The following FOXP1 variants were observed in gnomAD, a reference collection of about 807,000 sequenced individuals.
The protein encoded by FOXP1 is forkhead box protein P1.
FOXP1 carries 15 observed loss-of-function variants against 98.2 expected under a neutral mutation model. The ratio of observed to expected loss-of-function variants is 0.15; its 90% CI spans 0.10 to 0.24. The LOEUF is 0.24. Ranked by LOEUF, FOXP1 falls within the 10% of genes least tolerant of loss-of-function variation. The pLI, the probability that FOXP1 is intolerant of heterozygous loss-of-function variation, is 1.00. For missense variants in FOXP1, 633 were observed against 848.5 expected, an observed-to-expected ratio of 0.75 and a Z score of 3.15; for synonymous variants, 371 against 314.5, an observed-to-expected ratio of 1.18 and a Z score of -1.90.
chr3:71,315,486 GC>G (rs2075023906), intron 4 of FOXP1, among the ~76,000 whole-genome samples: 1 of 152,088 alleles, frequency 6.6e-6, no homozygotes, highest in Admixed American at 6.5e-5. Context: ...CTTTTTTTCT[GC>G]CTCAGTTGCG....
intron 5 of FOXP1, among the ~76,000 whole-genome samples, chr3:71,224,346 G>A (rs73108283): frequency 2.1e-4 from 32 of 152,302 alleles, no homozygotes; most frequent in Admixed American, 3.9e-4. Context: ...AGATGTGATC[G>A]TAGATGGAGT....
In FOXP1 at chr3:71,440,405, C is replaced by T. The variant is rs551418853; in HGVS notation, c.-168+53021G>A. ...ACAAAGTGAGACACCGTGCCGGGCG[C>T]GGTGGCTCACGCCTGTAATCCTAGC... is the stretch of plus-strand genomic sequence containing the variant. On this transcript the variant is annotated intron_variant, in intron 3 of 20. Transcript: ENST00000649528. 2.3e-4 allele frequency among the ~76,000 whole-genome samples: 32 copies of T among 141,656 alleles called. No individual in the cohort carries two copies. The South Asian group carries it at 7.6e-3, about 34-fold the overall frequency. The allele number at this position is 141,656 out of a possible 152,430, so 92.9% of individuals were successfully genotyped here.
At chr3:71,109,848 C>T (rs1227204464) in intron 7 of FOXP1, among the ~76,000 whole-genome samples, 5 of 152,132 alleles carry the variant, frequency 3.3e-5, no homozygotes, top group African/African-American at 9.7e-5. Context: ...CTGTGATACA[C>T]ACACACACAC....
intron 2 of FOXP1, among the ~76,000 whole-genome samples, chr3:71,536,177 T>C (rs2044274909): frequency 6.6e-6 from 1 of 152,216 alleles, no homozygotes; most frequent in African/African-American, 2.4e-5. Context: ...ATGGGTTCCA[T>C]GATCCCACTC....
rs558577065 is a variant in FOXP1 at position 71,498,360 on chromosome 3, G to A, written c.-297-4805C>T. Among the ~76,000 whole-genome samples the A allele has an allele frequency of 6.6e-5, 10 of 152,264 alleles. No homozygotes were observed. The South Asian group carries it at 8.3e-4, about 13-fold the overall frequency. ...AGAGCAGCTGTGGTTCCCTGAGGCCGGGACCTAGCAATCAAGTTGTTTACC... is the reference window on the plus strand; with the variant it reads ...AGAGCAGCTGTGGTTCCCTGAGGCCAGGACCTAGCAATCAAGTTGTTTACC... On this transcript the variant is annotated intron_variant, in intron 2 of 20. Coordinates refer to ENST00000649528, the MANE Select transcript of FOXP1 (RefSeq NM_001349338.3).
At chr3:71,080,983 A>G (rs571850208) in intron 7 of FOXP1, among the ~76,000 whole-genome samples, 10 of 152,334 alleles carry the variant, frequency 6.6e-5, no homozygotes, top group South Asian at 6.2e-4. Flanking sequence ...ACTTTGGCCC[A>G]TTCTACCAGC....
At chr3:71,297,197 A>C (rs17008473) in intron 5 of FOXP1, among the ~76,000 whole-genome samples, 36,398 of 152,050 alleles carry the variant, frequency 0.24, 4,682 homozygotes, top group Non-Finnish European at 0.27. Context: ...CAAGGGGGGC[A>C]TTATTTGCAC....
intron 5 of FOXP1, among the ~76,000 whole-genome samples, chr3:71,238,957 A>C (rs2067026551): frequency 6.6e-6 from 1 of 152,228 alleles, no homozygotes; most frequent in Non-Finnish European, 1.5e-5. Context: ...AGTCTTCAGG[A>C]ATAAGCAAGT....
Position 71,493,032 on chromosome 3 carries a change from G to A in FOXP1, c.-168+394C>T, listed in dbSNP as rs150670509. Among the ~76,000 whole-genome samples, 57 of 151,816 alleles carry A rather than the reference G, an allele frequency of 3.8e-4. 1 individual carries two copies. The highest frequency in any genetic ancestry group is 1.4e-3 in the African/African-American group (56 of 41,392). ...AAAGTTTGGGATAGGACTCTCTCAA[G>A]GAACAAATTAGACTCAAATTTCCCC... On this transcript the variant is annotated intron_variant, in intron 3 of 20. Transcript: ENST00000649528.
chr3:71,269,030 C>G (rs1201437679), intron 5 of FOXP1, among the ~76,000 whole-genome samples: 1 of 151,798 alleles, frequency 6.6e-6, no homozygotes, highest in Non-Finnish European at 1.5e-5. Context: ...AAACTTCACT[C>G]TGCAGTGGCA....
chr3:71,097,288 T>G (rs2056550967), intron 7 of FOXP1, among the ~76,000 whole-genome samples: 1 of 152,212 alleles, frequency 6.6e-6, no homozygotes, highest in Non-Finnish European at 1.5e-5. Context: ...AATTTATACT[T>G]CAGTGTCCAC....
chr3:71,137,148 C>T (rs1239400747), intron 6 of FOXP1, among the ~76,000 whole-genome samples: 1 of 152,196 alleles, frequency 6.6e-6, no homozygotes, highest in Non-Finnish European at 1.5e-5. Flanking sequence ...CGCCTAGCGG[C>T]CTCTGAGTTC....
intron 2 of FOXP1, chr3:71,571,300 A>C (rs767791063): frequency 3.3e-5 from 5 of 152,234 alleles, no homozygotes; most frequent in Non-Finnish European, 7.3e-5. Flanking sequence ...CAATTAAAAA[A>C]AATTAAAACT....
chr3:70,962,969 C>T (rs2033906116), intron 20 of FOXP1, among the ~76,000 whole-genome samples: 1 of 152,200 alleles, frequency 6.6e-6, no homozygotes, highest in African/African-American at 2.4e-5. Context: ...ACCTAATTAT[C>T]CTCATTTGAT....
At chr3:71,098,202 G>C (rs2056643490) in intron 7 of FOXP1, among the ~76,000 whole-genome samples, 1 of 152,138 alleles carries the variant, frequency 6.6e-6, no homozygotes, top group Admixed American at 6.5e-5. Flanking sequence ...AGAGATTTAG[G>C]TGTATTTTCC....
intron 5 of FOXP1, among the ~76,000 whole-genome samples, chr3:71,280,215 G>A (rs1293915318): frequency 6.6e-6 from 1 of 151,204 alleles, no homozygotes; most frequent in Non-Finnish European, 1.5e-5. Context: ...CTAAAATGAA[G>A]TGAATGAATC....
chr3:71,424,718 G>T (rs780706442), intron 3 of FOXP1, among the ~76,000 whole-genome samples: 1 of 152,224 alleles, frequency 6.6e-6, no homozygotes, highest in Non-Finnish European at 1.5e-5. Context: ...TGGTGTCACT[G>T]CCGAGCTGAA....
At chr3:71,327,007 T>C (rs981210950) in intron 4 of FOXP1, among the ~76,000 whole-genome samples, 5 of 152,130 alleles carry the variant, frequency 3.3e-5, no homozygotes, top group African/African-American at 1.2e-4. Context: ...AGGTAACTAG[T>C]CCCAATTCAT....
intron 3 of FOXP1, among the ~76,000 whole-genome samples, chr3:71,471,877 C>A (rs771042283): frequency 6.6e-6 from 1 of 152,092 alleles, no homozygotes; most frequent in Non-Finnish European, 1.5e-5. Flanking sequence ...CTGAGCAGAC[C>A]AAGAAAGACC....
Sources: allele counts gnomAD v4.1 joint callset (sites outside exome capture counted in the v4.1 genomes callset), GRCh38; gene constraint gnomAD v4.1.1; transcripts MANE v1.5; gene names NCBI Gene and HGNC (gene_info 2026-07-23, HGNC 2026-07-21).